The following C2CD5 variants were observed in gnomAD, a reference collection of about 807,000 sequenced individuals.
The protein encoded by C2CD5 is C2 domain-containing protein 5.
C2CD5 carries 109 observed loss-of-function variants against 130.3 expected under a neutral mutation model. The observed-to-expected ratio is 0.84, with a 90% CI of 0.72 to 0.98. C2CD5 has a LOEUF of 0.98. C2CD5 is among the 50% of genes least tolerant of loss of function. The probability of loss-of-function intolerance (pLI) is 0.00; values close to 1 mark genes in which losing one functional copy is unlikely to be tolerated. For missense variants in C2CD5, 996 were observed against 1,261.8 expected (o/e 0.79, Z 3.19); for synonymous variants, 454 against 429.2 (o/e 1.06, Z -0.71).
At chr12:22,465,531 A>T (rs2136103728) in intron 22 of C2CD5, among the ~76,000 whole-genome samples, 2 of 152,248 alleles carry the variant, frequency 1.3e-5, no homozygotes, top group African/African-American at 4.8e-5. Context: ...GTAATATGCT[A>T]ACCTTTTATA....
In C2CD5 at chr12:22,449,715, G is replaced by C. The variant is rs1175168747; in HGVS notation, c.*45C>G. The C allele has an allele frequency of 6.7e-7, 1 of 1,498,502 alleles. No individual in the cohort carries two copies. Among genetic ancestry groups the C allele is most frequent in the Non-Finnish European group, 9.2e-7 (1 of 1,092,380 alleles). The allele number at this position is 1,498,502 out of a possible 1,614,324, so 92.8% of individuals were successfully genotyped here. ...AGATAATTAATGACAAAATAACAGA[G>C]ATTGATGAATTTCATTTAGTTGAGC... On this transcript the variant is annotated 3_prime_UTR_variant, in exon 27 of 27. Coordinates refer to ENST00000446597, the MANE Select transcript of C2CD5 (RefSeq NM_001286176.2).
intron 2 of C2CD5, 91 bp downstream of exon 2, chr12:22,543,970 G>A (rs1952678313): frequency 4.2e-6 from 4 of 962,658 alleles, no homozygotes; most frequent in Admixed American, 3.7e-5. Flanking sequence ...AGTCGAGGGG[G>A]GAATAGGCTG....
chr12:22,527,063 G>A (rs2137080864), intron 4 of C2CD5, among the ~76,000 whole-genome samples: 1 of 152,220 alleles, frequency 6.6e-6, no homozygotes, highest in East Asian at 1.9e-4. Context: ...CAACTGCCCG[G>A]GAGGCCCTGC....
chr12:22,508,648 C>G (rs1948845498), intron 9 of C2CD5, among the ~76,000 whole-genome samples: 1 of 152,152 alleles, frequency 6.6e-6, no homozygotes, highest in African/African-American at 2.4e-5. Context: ...GTTGGGAAAA[C>G]AGTTCGGTAA....
chr12:22,544,271 C>A, intron 1 of C2CD5, 49 bp downstream of exon 1: 1 of 874,332 alleles, frequency 1.1e-6, no homozygotes, highest in Non-Finnish European at 1.6e-6. Flanking sequence ...AAGGAGCGCG[C>A]GGGGGCGCGC....
intron 9 of C2CD5, among the ~76,000 whole-genome samples, chr12:22,511,487 T>C (rs1949189991): frequency 6.6e-6 from 1 of 152,194 alleles, no homozygotes; most frequent in African/African-American, 2.4e-5. Flanking sequence ...AAGTAACTGC[T>C]ACTTCGAGGA....
intron 20 of C2CD5, 136 bp downstream of exon 20, chr12:22,471,263 T>C: frequency 1.6e-6 from 1 of 612,892 alleles, no homozygotes; most frequent in Non-Finnish European, 2.9e-6. Context: ...GCCTAATGCA[T>C]ACTAACATAT....
At chr12:22,544,285 G>GGGGC in intron 1 of C2CD5, 35 bp downstream of exon 1, 2 of 686,242 alleles carry the variant, frequency 2.9e-6, no homozygotes, top group Non-Finnish European at 4.5e-6. Context: ...GGCGCGCGCG[G>GGGGC]GCGCCCGGCA....
intron 12 of C2CD5, among the ~76,000 whole-genome samples, chr12:22,486,703 T>C (rs1232865785): frequency 6.6e-6 from 1 of 152,220 alleles, no homozygotes; most frequent in Non-Finnish European, 1.5e-5. Context: ...GAAGCTCATT[T>C]AATTTATTGT....
intron 9 of C2CD5, among the ~76,000 whole-genome samples, chr12:22,511,167 C>T (rs1949146673): frequency 7.0e-6 from 1 of 143,496 alleles, no homozygotes; most frequent in Admixed American, 6.8e-5. Context: ...GTTTCTCTTT[C>T]CTCAAGAAAA....
chr12:22,526,843 G>A (rs1197383569), intron 4 of C2CD5, among the ~76,000 whole-genome samples: 1 of 152,132 alleles, frequency 6.6e-6, no homozygotes, highest in Non-Finnish European at 1.5e-5. Context: ...TACTTATGGT[G>A]GAAGACTTAA....
At chr12:22,511,655 C>G (rs1949213669) in intron 9 of C2CD5, among the ~76,000 whole-genome samples, 1 of 152,156 alleles carries the variant, frequency 6.6e-6, no homozygotes, top group Non-Finnish European at 1.5e-5. Context: ...AAATGCATAT[C>G]TGAAAACACA....
rs1323430249 is a variant in C2CD5 at position 22,449,675 on chromosome 12, A to G, written c.*85T>C. On this transcript the variant is annotated 3_prime_UTR_variant, in exon 27 of 27. Coordinates refer to ENST00000446597, the MANE Select transcript of C2CD5 (RefSeq NM_001286176.2). ...TTCTTCCTTATTTATCTCAAGTTCA[A>G]TTTTAAGTCTAAGAAGATAATTAAT... 1 of 1,258,338 alleles carries G rather than the reference A, an allele frequency of 7.9e-7. No homozygotes were observed. The highest frequency in any genetic ancestry group is 1.9e-5 in the Admixed American group (1 of 51,784). 77.9% of individuals were successfully genotyped at this position (1,258,338 alleles called of 1,614,324 possible).
chr12:22,497,898 GCACACACATACACA>G (rs1409650388), intron 10 of C2CD5, among the ~76,000 whole-genome samples: 52 of 102,246 alleles, frequency 5.1e-4, no homozygotes, highest in African/African-American at 1.9e-3. Context: ...ATACACGCAT[GCACACACATACACA>G]CACACACACA....
At position 22,513,315 on chromosome 12, in the gene C2CD5, A is replaced by G; in HGVS notation, c.1017T>C (p.Thr339=). ...TTACCCTCTGTTCCAACGCTGATTG[A>G]GTCTGTTGTCTTAAAAGAGCTTTAA... is the stretch of plus-strand genomic sequence containing the variant. ...GPFKALLRQQ[T]QSALEQREFP... is the part of the protein sequence containing the mutation. The change falls in exon 9 of 27, where the codon ACT becomes ACC. Residue 339 remains threonine, a synonymous_variant. Transcript: ENST00000446597. The G allele has an allele frequency of 6.2e-7, 1 of 1,610,566 alleles. No homozygotes were observed. Among genetic ancestry groups the G allele is most frequent in the Non-Finnish European group, 8.5e-7 (1 of 1,176,894 alleles).
intron 22 of C2CD5, among the ~76,000 whole-genome samples, chr12:22,459,763 C>T (rs1940722359): frequency 6.6e-6 from 1 of 152,176 alleles, no homozygotes. Context: ...AAGGAGACTA[C>T]TTGCTTACTG....
chr12:22,499,486 T>C (rs1179295654), intron 10 of C2CD5, among the ~76,000 whole-genome samples: 1 of 152,320 alleles, frequency 6.6e-6, no homozygotes, highest in Non-Finnish European at 1.5e-5. Context: ...AATGGTCTAC[T>C]ATTATAAAGC....
Position 22,482,624 on chromosome 12 carries a change from C to T in C2CD5, c.1670G>A (p.Gly557Glu), listed in dbSNP as rs1265212862. ...TQLMNKLKLK[G>E]MNALFGLRIQ... ...TCTTAGTCCAAACAAAGCATTCATT[C>T]CTTTGAGTTTTAGTTTATTCATTAG... is the stretch of plus-strand genomic sequence containing the variant. Residue 557 changes from glycine to glutamate, a missense_variant, in exon 14 of 27, where the codon GGA becomes GAA. Around this residue, in one of 9 missense-constraint regions of C2CD5, gnomAD observed 590 missense variants for 631.4 expected, o/e 0.93. Transcript: ENST00000446597. The T allele has an allele frequency of 6.2e-7, 1 of 1,613,522 alleles. No homozygotes were observed.
intron 22 of C2CD5, chr12:22,460,408 T>A (rs902587247): frequency 1.3e-5 from 2 of 152,196 alleles, no homozygotes; most frequent in African/African-American, 4.8e-5. Flanking sequence ...ATAGTTTAAG[T>A]ATAGATAGAT....
Sources: allele counts gnomAD v4.1 joint callset (sites outside exome capture counted in the v4.1 genomes callset), GRCh38; gene constraint gnomAD v4.1.1; regional missense constraint gnomAD v4.1.1; transcripts MANE v1.5; gene names NCBI Gene and HGNC (gene_info 2026-07-23, HGNC 2026-07-21).